ANKRD50: variants seen among roughly 807,000 people sequenced by gnomAD.
ANKRD50 encodes the protein ankyrin repeat domain-containing protein 50.
ANKRD50 carries 40 observed loss-of-function variants against 112.0 expected under a neutral mutation model. That is an observed-to-expected ratio of 0.36 (90% confidence interval 0.28 to 0.46). The LOEUF is 0.46. Ranked by LOEUF, ANKRD50 falls within the 20% of genes least tolerant of loss-of-function variation. The pLI is 1.00. For synonymous variants in ANKRD50, 613 were observed against 619.1 expected (o/e 0.99, Z 0.15); for missense variants, 1,487 against 1,701.7 (o/e 0.87, Z 2.22).
chr4:124,694,078 C>T (rs1051469900), intron 2 of ANKRD50, among the ~76,000 whole-genome samples: 1 of 152,078 alleles, frequency 6.6e-6, no homozygotes, highest in Non-Finnish European at 1.5e-5. Context: ...AGCAAAATTA[C>T]CCATCCAATA....
chr4:124,673,273 G>A (rs1730701582), intron 3 of ANKRD50, among the ~76,000 whole-genome samples: 1 of 152,078 alleles, frequency 6.6e-6, no homozygotes, highest in Non-Finnish European at 1.5e-5. Context: ...TCTAAAGGCA[G>A]ATGACATCAT....
At chr4:124,682,179 G>A (rs967847867) in intron 2 of ANKRD50, among the ~76,000 whole-genome samples, 4 of 151,846 alleles carry the variant, frequency 2.6e-5, no homozygotes, top group African/African-American at 9.7e-5. Context: ...AGCCGGGCGC[G>A]GTGGCAGGCG....
intron 2 of ANKRD50, among the ~76,000 whole-genome samples, chr4:124,679,353 C>T (rs146640959): frequency 2.0e-5 from 3 of 152,138 alleles, no homozygotes; most frequent in Non-Finnish European, 4.4e-5. Flanking sequence ...ATTTTATCAC[C>T]ACTTTTCCCA....
At chr4:124,667,890 CTGTT>C (rs1475118031) in intron 4 of ANKRD50, among the ~76,000 whole-genome samples, 7 of 151,786 alleles carry the variant, frequency 4.6e-5, no homozygotes, top group African/African-American at 1.7e-4. Context: ...ACATTGAAGG[CTGTT>C]TATTATTAGA....
intron 2 of ANKRD50, among the ~76,000 whole-genome samples, chr4:124,706,673 C>T (rs1333573453): frequency 6.6e-6 from 1 of 152,002 alleles, no homozygotes; most frequent in African/African-American, 2.4e-5. Flanking sequence ...CACATGAATA[C>T]GGATGCTCCT....
At chr4:124,680,802 G>A (rs1299375535) in intron 2 of ANKRD50, among the ~76,000 whole-genome samples, 1 of 152,066 alleles carries the variant, frequency 6.6e-6, no homozygotes, top group Non-Finnish European at 1.5e-5. Flanking sequence ...TAATGAGCCA[G>A]GAGAAGGAGT....
intron 2 of ANKRD50, among the ~76,000 whole-genome samples, chr4:124,695,110 A>G (rs1232422940): frequency 2.0e-5 from 3 of 152,206 alleles, no homozygotes; most frequent in African/African-American, 7.2e-5. Context: ...AGAAACTTCT[A>G]CTGCCAGATA....
intron 3 of ANKRD50, among the ~76,000 whole-genome samples, chr4:124,675,187 T>C (rs929424115): frequency 6.6e-6 from 1 of 151,850 alleles, no homozygotes; most frequent in Non-Finnish European, 1.5e-5. Flanking sequence ...TTTTCTATTC[T>C]TACTTGAACT....
At chr4:124,691,459 T>C (rs1162197321) in intron 2 of ANKRD50, among the ~76,000 whole-genome samples, 1 of 114,746 alleles carries the variant, frequency 8.7e-6, no homozygotes, top group African/African-American at 3.4e-5. Context: ...GCCACTGCAG[T>C]CCGCAGTCCG....
rs1210888750 is a variant in ANKRD50 at position 124,670,566 on chromosome 4, G to A, written c.2711C>T (p.Ser904Phe). The A allele has an allele frequency of 6.2e-7, 1 of 1,612,974 alleles. No individual in the cohort carries two copies. Among genetic ancestry groups the A allele is most frequent in the Admixed American group, 1.7e-5 (1 of 59,724 alleles). Residue 904 changes from serine (S) to phenylalanine (F), a missense_variant, in exon 4 of 5, where the codon TCC (serine) becomes TTC (phenylalanine). This residue lies in a region of ANKRD50 where 1,046 missense variants were observed against 1,269.5 expected (regional missense o/e 0.82). Transcript: ENST00000504087. ...DCVQILLENKSNIDQRGYDGR... is the reference protein window; with the variant it reads ...DCVQILLENKFNIDQRGYDGR... The stretch of plus-strand genomic sequence containing the variant: ...ATCATAACCTCTTTGATCAATGTTG[G>A]ATTTGTTTTCCAGTAATATTTGAAC...
At chr4:124,688,359 G>C (rs576409970) in intron 2 of ANKRD50, among the ~76,000 whole-genome samples, 1 of 152,100 alleles carries the variant, frequency 6.6e-6, no homozygotes, top group Non-Finnish European at 1.5e-5. Flanking sequence ...CCATAGGTTG[G>C]AGTGGGGGAA....
chr4:124,708,321 T>G (rs911207437), intron 2 of ANKRD50, among the ~76,000 whole-genome samples: 1 of 152,144 alleles, frequency 6.6e-6, no homozygotes, highest in African/African-American at 2.4e-5. Flanking sequence ...CTAACAGATT[T>G]CCTCATTAAT....
chr4:124,699,249 G>T (rs1477581745), intron 2 of ANKRD50, among the ~76,000 whole-genome samples: 1 of 134,360 alleles, frequency 7.4e-6, no homozygotes, highest in Non-Finnish European at 1.6e-5. Flanking sequence ...TTTAGAAGCA[G>T]ATATGATAAA....
At chr4:124,699,779 A>G (rs1389529020) in intron 2 of ANKRD50, among the ~76,000 whole-genome samples, 1 of 138,092 alleles carries the variant, frequency 7.2e-6, no homozygotes, top group East Asian at 2.0e-4. Flanking sequence ...ATTGTTCTAC[A>G]AAAAAAAAAA....
intron 3 of ANKRD50, among the ~76,000 whole-genome samples, chr4:124,676,176 A>C (rs1730769493): frequency 1.3e-5 from 2 of 151,770 alleles, no homozygotes; most frequent in African/African-American, 2.4e-5. Flanking sequence ...GAATAAATGC[A>C]CAGATATGTT....
intron 2 of ANKRD50, among the ~76,000 whole-genome samples, chr4:124,687,207 T>C (rs997255036): frequency 2.0e-5 from 3 of 152,170 alleles, no homozygotes; most frequent in African/African-American, 7.2e-5. Flanking sequence ...TATAGGAACA[T>C]GATTTTTCAC....
Position 124,710,738 on chromosome 4 carries a change from C to T in ANKRD50, c.-227G>A, listed in dbSNP as rs936049747. ...ATTAGTTGTTGAACTGAGGGAGAAA[C>T]GCCTGATTCCACAGCTCAGCAACAC... On this transcript the variant is annotated 5_prime_UTR_variant, in exon 2 of 5. Coordinates refer to ENST00000504087, the MANE Select transcript of ANKRD50 (RefSeq NM_020337.3). 5 of 544,484 alleles carry T rather than the reference C, an allele frequency of 9.2e-6. No individual in the cohort carries two copies. The highest frequency in any genetic ancestry group is 1.6e-5 in the Non-Finnish European group (5 of 310,666). The allele number at this position is 544,484 out of a possible 1,614,324, so 33.7% of individuals were successfully genotyped here.
At chr4:124,699,286 G>A (rs780953174) in intron 2 of ANKRD50, among the ~76,000 whole-genome samples, 3 of 151,640 alleles carry the variant, frequency 2.0e-5, no homozygotes, top group South Asian at 4.1e-4. Flanking sequence ...GTAGGTACAT[G>A]TATGTTTGCT....
At chr4:124,694,610 C>G (rs566288748) in intron 2 of ANKRD50, among the ~76,000 whole-genome samples, 2 of 152,150 alleles carry the variant, frequency 1.3e-5, no homozygotes, top group Non-Finnish European at 2.9e-5. Flanking sequence ...AAACAAAAAG[C>G]ACTGCTGACT....
Sources: allele counts gnomAD v4.1 joint callset (sites outside exome capture counted in the v4.1 genomes callset), GRCh38; gene constraint gnomAD v4.1.1; regional missense constraint gnomAD v4.1.1; transcripts MANE v1.5; gene names NCBI Gene and HGNC (gene_info 2026-07-23, HGNC 2026-07-21).